Variants in RBFOX3 observed in about 807,000 individuals in gnomAD.
The protein encoded by RBFOX3 is RNA binding protein fox-1 homolog 3.
RBFOX3 carries 17 observed loss-of-function variants against 48.7 expected under a neutral mutation model. That is an observed-to-expected ratio of 0.35 (90% CI 0.24 to 0.52). The LOEUF (loss-of-function observed/expected upper bound fraction) is 0.52, where lower values mean the gene tolerates loss of function less well. Among genes scored for constraint, RBFOX3 ranks in the 20% least tolerant of loss-of-function variants. RBFOX3 has a pLI of 0.94. For synonymous variants in RBFOX3, 212 were observed against 209.5 expected (o/e 1.01, Z -0.10); for missense variants, 382 against 497.5 (o/e 0.77, Z 2.21).
intron 1 of RBFOX3, among the ~76,000 whole-genome samples, chr17:79,489,240 T>TAAAAAAAAAAAAAAAAAAAAAAAAA (rs71161671): frequency 7.9e-6 from 1 of 126,510 alleles, no homozygotes; most frequent in Non-Finnish European, 1.6e-5. Flanking sequence ...GCCAGAAAGT[T>TAAAAAAAAAAAAAAAAAAAAAAAAA]AAAAAAAAAA....
chr17:79,613,899 G>A (rs1356692617), upstream of RBFOX3, among the ~76,000 whole-genome samples: 2 of 152,200 alleles, frequency 1.3e-5, no homozygotes, highest in African/African-American at 2.4e-5. Flanking sequence ...ACTTGAATCC[G>A]GGAGGTGGAG....
intron 1 of RBFOX3, among the ~76,000 whole-genome samples, chr17:79,551,170 G>A (rs887710035): frequency 1.3e-5 from 2 of 152,176 alleles, no homozygotes; most frequent in Non-Finnish European, 2.9e-5. Flanking sequence ...GGGAATCCAG[G>A]CTATGCAAGG....
At chr17:79,313,555 C>T (rs2077135519) in intron 2 of RBFOX3, among the ~76,000 whole-genome samples, 1 of 152,166 alleles carries the variant, frequency 6.6e-6, no homozygotes, top group South Asian at 2.1e-4. Flanking sequence ...CCCTACAATC[C>T]TGACGAGAGT....
chr17:79,384,228 C>T (rs1406096895), intron 2 of RBFOX3, among the ~76,000 whole-genome samples: 2 of 152,096 alleles, frequency 1.3e-5, no homozygotes, highest in South Asian at 2.1e-4. Flanking sequence ...CTGGGGACCC[C>T]GGTAAGGGGA....
intron 2 of RBFOX3, among the ~76,000 whole-genome samples, chr17:79,422,258 C>T (rs1470378109): frequency 2.6e-5 from 4 of 152,194 alleles, no homozygotes; most frequent in East Asian, 1.9e-4. Context: ...CCCCCGACAG[C>T]GGCAGCACAG....
chr17:79,575,660 T>TA (rs2092834330), intron 1 of RBFOX3, among the ~76,000 whole-genome samples: 2 of 152,190 alleles, frequency 1.3e-5, no homozygotes, highest in Admixed American at 6.5e-5. Context: ...TAAATGAGGC[T>TA]AAAAATTGAA....
rs2074205790 is a variant in RBFOX3 at position 79,295,568 on chromosome 17, G to A, written c.-74+12156C>T. The stretch of plus-strand genomic sequence containing the variant: ...AATGCCTGACTCAGGGTCTGAGTGC[G>A]GGCAAAGTCAGGTGCTGATGGAAAG... On this transcript the variant is annotated intron_variant, in intron 3 of 14. Coordinates refer to ENST00000693108, the MANE Select transcript of RBFOX3 (RefSeq NM_001350451.2). Among the ~76,000 whole-genome samples, 3 of 152,162 alleles carry A rather than the reference G, an allele frequency of 2.0e-5. No individual in the cohort carries two copies. In the South Asian group the frequency reaches 6.2e-4, roughly 32 times the overall value.
intron 2 of RBFOX3, among the ~76,000 whole-genome samples, chr17:79,336,619 A>C (rs572687798): frequency 2.0e-5 from 3 of 152,134 alleles, no homozygotes; most frequent in African/African-American, 7.2e-5. Flanking sequence ...TCTCCTCCAC[A>C]CTGGACCTTC....
intron 1 of RBFOX3, among the ~76,000 whole-genome samples, chr17:79,483,637 C>T (rs1279505366): frequency 6.6e-6 from 1 of 151,394 alleles, no homozygotes; most frequent in Non-Finnish European, 1.5e-5. Context: ...GTGCTGGATC[C>T]CGCCATCCCA....
At chr17:79,516,207 A>G (rs2085231276) in intron 1 of RBFOX3, 1 of 152,240 alleles carries the variant, frequency 6.6e-6, no homozygotes, top group South Asian at 2.1e-4. Flanking sequence ...AAAATGAACC[A>G]TTTCCATTGC....
At chr17:79,647,128 T>C in the RBFOX3 span, among the ~76,000 whole-genome samples, 1 of 152,062 alleles carries the variant, frequency 6.6e-6, no homozygotes, top group Non-Finnish European at 1.5e-5. Flanking sequence ...CATCTGCTCA[T>C]GGCTGAGCTG....
rs2066884031 is a variant in RBFOX3, at chr17:79,423,827, A to G, written c.-175+58627T>C. ...GAGGCTCTTGGTGACCCCATCCCGGATGCCCAGTCCAGGCGCACACTCAGT... is the reference window on the plus strand; with the variant it reads ...GAGGCTCTTGGTGACCCCATCCCGGGTGCCCAGTCCAGGCGCACACTCAGT... On this transcript the variant is annotated intron_variant, in intron 2 of 14. Coordinates refer to ENST00000693108, the MANE Select transcript of RBFOX3 (RefSeq NM_001350451.2). This position sits in a 1 kb window ranked among gnomAD's most constrained non-coding sequence, Gnocchi z 4.9. The G allele has an allele frequency of 1.3e-5, 2 of 153,700 alleles. No individual in the cohort carries two copies. The highest frequency in any genetic ancestry group is 4.2e-4 in the South Asian group (2 of 4,804). The allele number at this position is 153,700 out of a possible 1,614,324, so 9.5% of individuals were successfully genotyped here.
chr17:79,100,495 C>T (rs1421396436), intron 9 of RBFOX3: 1 of 152,222 alleles, frequency 6.6e-6, no homozygotes, highest in Non-Finnish European at 1.5e-5. Context: ...CAGCATCGGA[C>T]ACCAGGAGAA....
intron 4 of RBFOX3, among the ~76,000 whole-genome samples, chr17:79,203,737 CT>C (rs371191317): frequency 2.0e-5 from 3 of 152,236 alleles, no homozygotes; most frequent in African/African-American, 7.2e-5. Flanking sequence ...CACAGGGCCC[CT>C]GGCCTTCATG....
intron 3 of RBFOX3, among the ~76,000 whole-genome samples, chr17:79,302,308 C>T (rs568045391): frequency 4.6e-5 from 7 of 152,300 alleles, no homozygotes; most frequent in East Asian, 1.9e-4. Context: ...GTTAAGTACA[C>T]GATCCAGGAT....
At chr17:79,388,003 T>C (rs1312738498) in intron 2 of RBFOX3, among the ~76,000 whole-genome samples, 3 of 75,964 alleles carry the variant, frequency 3.9e-5, no homozygotes, top group South Asian at 1.4e-3. Flanking sequence ...AATGTGTACG[T>C]GTGTGTGTGT....
rs1383142645 is a variant in RBFOX3 at position 79,535,337 on chromosome 17, C to T, written c.-319-52739G>A. Among the ~76,000 whole-genome samples, 4 of 152,188 alleles carry T rather than the reference C, an allele frequency of 2.6e-5. No homozygotes were observed. Among genetic ancestry groups the T allele is most frequent in the African/African-American group, 7.2e-5 (3 of 41,446 alleles). On this transcript the variant is annotated intron_variant, in intron 1 of 14. Coordinates refer to ENST00000693108, the MANE Select transcript of RBFOX3 (RefSeq NM_001350451.2). This position sits in a 1 kb window ranked among gnomAD's most constrained non-coding sequence, Gnocchi z 4.5. ...CTCATTGGCCAGATCTGGGGATCAC[C>T]TATAGGTAAGGAGAAGAGGGAGGGT...
intron 3 of RBFOX3, among the ~76,000 whole-genome samples, chr17:79,296,855 T>TCCTCCC (rs2074445017): frequency 1.1e-5 from 1 of 92,544 alleles, no homozygotes; most frequent in Non-Finnish European, 2.0e-5. Context: ...CCCCTCCTCC[T>TCCTCCC]GCTTCTCCTC....
At chr17:79,644,496 A>T in the RBFOX3 span, among the ~76,000 whole-genome samples, 1 of 152,218 alleles carries the variant, frequency 6.6e-6, no homozygotes, top group Non-Finnish European at 1.5e-5. Flanking sequence ...TTATATTAAG[A>T]AATCCTAAAG....
Sources: allele counts gnomAD v4.1 joint callset (sites outside exome capture counted in the v4.1 genomes callset), GRCh38; gene constraint gnomAD v4.1.1; non-coding constraint Gnocchi (gnomAD v3.1); transcripts MANE v1.5; gene names NCBI Gene and HGNC (gene_info 2026-07-23, HGNC 2026-07-21).